HDAC2: variants seen among roughly 807,000 people sequenced by gnomAD.
HDAC2 encodes the protein YY1-associated factor 1.
In HDAC2, 5 loss-of-function variants were observed where a neutral mutation model predicts 68.5. That is an observed-to-expected ratio of 0.07 (90% CI 0.04 to 0.15). HDAC2 has a LOEUF of 0.15. HDAC2 is among the 10% of genes least tolerant of loss of function. The pLI is 1.00. For missense variants in HDAC2, 291 were observed against 600.8 expected (o/e 0.48, Z 5.39); for synonymous variants, 182 against 191.3 (o/e 0.95, Z 0.40).
At position 113,943,363 on chromosome 6, in the gene HDAC2, CCT is replaced by C; in HGVS notation, c.1364_1365del (p.Glu455GlyfsTer7). ...ARIEEDKKET[E>X]DKKTDVKEED... The stretch of plus-strand genomic sequence containing the variant: ...AAACAAATCTGACCTGTTTTTTTGT[CCT>C]CTGTTTCTTTCTTATCTTCTTCAAT... On this transcript the variant is annotated frameshift_variant, in exon 12 of 14. Transcript: ENST00000519065. LOFTEE classifies it high-confidence loss of function. The C allele has an allele frequency of 3.8e-6, 6 of 1,591,590 alleles. No homozygotes were observed. The highest frequency in any genetic ancestry group is 1.7e-4 in the Middle Eastern group (1 of 5,954).
intron 1 of HDAC2, among the ~76,000 whole-genome samples, chr6:113,961,254 T>C (rs1333579907): frequency 1.3e-5 from 2 of 152,200 alleles, no homozygotes; most frequent in African/African-American, 2.4e-5. Context: ...ACCTTTTGTT[T>C]GTTTAATGGA....
intron 1 of HDAC2, chr6:113,968,583 AG>A (rs1776884679): frequency 6.6e-6 from 1 of 152,242 alleles, no homozygotes; most frequent in South Asian, 2.1e-4. Flanking sequence ...ATAAGCAACT[AG>A]GAACTCCACT....
chr6:113,956,437 C>T (rs1773001187), intron 4 of HDAC2, 182 bp downstream of exon 4: 3 of 583,198 alleles, frequency 5.1e-6, no homozygotes, highest in Middle Eastern at 3.7e-4. Flanking sequence ...GTTTAAAAAG[C>T]GTTTAAGTCA....
chr6:113,937,859 G>GAT lies in HDAC2; in HGVS notation c.*3197_*3198dup, dbSNP rs1302363687. 6.6e-6 allele frequency: 1 copy of GAT among 152,178 alleles called. No individual in the cohort carries two copies. The highest frequency in any genetic ancestry group is 1.9e-4 in the East Asian group (1 of 5,166). 9.4% of individuals were successfully genotyped at this position (152,178 alleles called of 1,614,324 possible). On this transcript the variant is annotated 3_prime_UTR_variant, in exon 14 of 14. Coordinates refer to ENST00000519065, the MANE Select transcript of HDAC2 (RefSeq NM_001527.4). ...CGAGATCCTTTCTCTAAAAAAAAGA[G>GAT]ATAAACAGCCAGGTGCGGCAGCTCA...
chr6:113,949,980 C>T (rs1422904775), intron 6 of HDAC2, among the ~76,000 whole-genome samples: 1 of 152,078 alleles, frequency 6.6e-6, no homozygotes, highest in African/African-American at 2.4e-5. Flanking sequence ...AGGGTTTCCT[C>T]CATGTTCAAC....
Position 113,940,574 on chromosome 6 carries a change from T to C in HDAC2, c.*484A>G, listed in dbSNP as rs923486425. ...GATAAGTAATAATTACTATAAATAC[T>C]CTTCCCAAAGAAACAGCAAATAGTT... is the stretch of plus-strand genomic sequence containing the variant. On this transcript the variant is annotated 3_prime_UTR_variant, in exon 14 of 14. Transcript: ENST00000519065. 6.5e-6 allele frequency: 1 copy of C among 155,004 alleles called. No individual in the cohort carries two copies. Among genetic ancestry groups the C allele is most frequent in the East Asian group, 1.9e-4 (1 of 5,248 alleles). 9.6% of individuals were successfully genotyped at this position (155,004 alleles called of 1,614,324 possible).
chr6:113,955,115 T>C (rs929395033), intron 5 of HDAC2, among the ~76,000 whole-genome samples: 2 of 152,226 alleles, frequency 1.3e-5, no homozygotes, highest in African/African-American at 4.8e-5. Context: ...TCCAAGGTCA[T>C]TGTCATTTTT....
At position 113,934,421 on chromosome 6, in the gene HDAC2, G is replaced by C. The variant is rs1385506615; in HGVS notation, c.*6637C>G. ...AGCAAAGTTGTGTAATGTAAAGGCT[G>C]GTGCTAGACCCATATATGTGATTTC... On this transcript the variant is annotated 3_prime_UTR_variant, in exon 14 of 14. Transcript: ENST00000519065. 6.6e-6 allele frequency: 1 copy of C among 152,174 alleles called. No individual in the cohort carries two copies. The highest frequency in any genetic ancestry group is 2.4e-5 in the African/African-American group (1 of 41,442). 9.4% of individuals were successfully genotyped at this position (152,174 alleles called of 1,614,324 possible). A position where few individuals can be genotyped will look rare whatever the true frequency, so the allele number is the denominator to read the frequency against.
At chr6:113,961,448 A>G (rs900811319) in intron 1 of HDAC2, among the ~76,000 whole-genome samples, 2 of 152,162 alleles carry the variant, frequency 1.3e-5, no homozygotes, top group Non-Finnish European at 2.9e-5. Flanking sequence ...ATTCATATAC[A>G]AAGTCTTTTA....
intron 8 of HDAC2, 127 bp downstream of exon 8, chr6:113,948,852 C>A: frequency 4.3e-6 from 4 of 931,740 alleles, no homozygotes; most frequent in South Asian, 3.8e-5. Flanking sequence ...AGACAAAACC[C>A]CATGAAAAAT....
chr6:113,969,859 T>TCC lies in HDAC2; in HGVS notation c.52+996_52+997dup, dbSNP rs1171674472. 3.3e-5 allele frequency: 5 copies of TCC among 152,352 alleles called. No individual in the cohort carries two copies. The South Asian group carries it at 1.0e-3, about 32-fold the overall frequency. The allele number at this position is 152,352 out of a possible 1,614,324, so 9.4% of individuals were successfully genotyped here. A position where few individuals can be genotyped will look rare whatever the true frequency, so the allele number is the denominator to read the frequency against. ...TCTCAAAGTTTTCCCATACCAGGATTCCCCACCACCTAGGAACAGCCTTTG... is the reference window on the plus strand; with the variant it reads ...TCTCAAAGTTTTCCCATACCAGGATTCCCCCCACCACCTAGGAACAGCCTTTG... On this transcript the variant is annotated intron_variant, in intron 1 of 13. Coordinates refer to ENST00000519065, the MANE Select transcript of HDAC2 (RefSeq NM_001527.4).
chr6:113,961,435 A>C (rs183234476), intron 1 of HDAC2, among the ~76,000 whole-genome samples: 1 of 152,288 alleles, frequency 6.6e-6, no homozygotes, highest in East Asian at 1.9e-4. Context: ...TCTTCTGAAA[A>C]CAATTCATAT....
chr6:113,937,697 T>C lies in HDAC2; in HGVS notation c.*3361A>G, dbSNP rs1416980322. 6.6e-6 allele frequency: 1 copy of C among 151,172 alleles called. No individual in the cohort carries two copies. The highest frequency in any genetic ancestry group is 1.5e-5 in the Non-Finnish European group (1 of 67,816). The allele number at this position is 151,172 out of a possible 1,614,324, so 9.4% of individuals were successfully genotyped here. On this transcript the variant is annotated 3_prime_UTR_variant, in exon 14 of 14. Coordinates refer to ENST00000519065, the MANE Select transcript of HDAC2 (RefSeq NM_001527.4). ...ACACCATCTCTCCAAAATAAAAATG[T>C]AAAAATCAGCTAGGTGTGATGGTGC... is the stretch of plus-strand genomic sequence containing the variant.
chr6:113,948,320 C>T (rs1223073703), intron 8 of HDAC2: 1 of 152,208 alleles, frequency 6.6e-6, no homozygotes, highest in Non-Finnish European at 1.5e-5. Flanking sequence ...AGCTATGTGT[C>T]CTGCCAGGTC....
At chr6:113,942,432 T>TA (rs5879239) in intron 12 of HDAC2, among the ~76,000 whole-genome samples, 71,385 of 141,612 alleles carry the variant, frequency 0.5, 18,235 homozygotes, top group African/African-American at 0.58. Flanking sequence ...CTCTCTAGTT[T>TA]AAAAAAAAAA....
In HDAC2 at chr6:113,941,771, A is replaced by C; in HGVS notation, c.1379-6T>G. ...TTTATCTTCTTCCTTAACGTCTAAA[A>C]ATAAAGATTGGGAAAAGATTAAAAC... On this transcript the variant is annotated splice_polypyrimidine_tract_variant and splice_region_variant and intron_variant, in intron 12 of 13. Transcript: ENST00000519065. The C allele has an allele frequency of 7.8e-7, 1 of 1,281,628 alleles. No homozygotes were observed. Among genetic ancestry groups the C allele is most frequent in the Non-Finnish European group, 1.1e-6 (1 of 925,178 alleles). 79.4% of individuals were successfully genotyped at this position (1,281,628 alleles called of 1,614,324 possible). A position where few individuals can be genotyped will look rare whatever the true frequency, so the allele number is the denominator to read the frequency against.
chr6:113,954,523 CCAGA>C (rs1404787765), intron 5 of HDAC2, among the ~76,000 whole-genome samples: 2 of 152,136 alleles, frequency 1.3e-5, no homozygotes, highest in Admixed American at 1.3e-4. Context: ...AAAAATGTGT[CCAGA>C]CAAATTAAAG....
At position 113,971,105 on chromosome 6, in the gene HDAC2, G is replaced by A; in HGVS notation, c.-197C>T. Reference sequence around the variant, plus strand: ...GTACCACCCGGCAGAGGTGCCGAAAGCTCGGAATCGGAGGTGGCAGCGGCA... The same window carrying A: ...GTACCACCCGGCAGAGGTGCCGAAAACTCGGAATCGGAGGTGGCAGCGGCA... On this transcript the variant is annotated 5_prime_UTR_variant, in exon 1 of 14. Coordinates refer to ENST00000519065, the MANE Select transcript of HDAC2 (RefSeq NM_001527.4). 1 of 1,546,766 alleles carries A rather than the reference G, an allele frequency of 6.5e-7. No homozygotes were observed. The highest frequency in any genetic ancestry group is 8.7e-7 in the Non-Finnish European group (1 of 1,144,454).
intron 1 of HDAC2, chr6:113,968,592 A>T (rs1299689249): frequency 6.6e-6 from 1 of 152,232 alleles, no homozygotes; most frequent in Non-Finnish European, 1.5e-5. Flanking sequence ...TAGGAACTCC[A>T]CTTTAACAAA....
Sources: allele counts gnomAD v4.1 joint callset (sites outside exome capture counted in the v4.1 genomes callset), GRCh38; gene constraint gnomAD v4.1.1; transcripts MANE v1.5; gene names NCBI Gene and HGNC (gene_info 2026-07-23, HGNC 2026-07-21).